The following RIMS1 variants were observed in gnomAD, a reference collection of about 807,000 sequenced individuals.
The protein encoded by RIMS1 is regulating synaptic membrane exocytosis 1, also known as regulating synaptic membrane exocytosis protein 1.
A neutral mutation model predicts 214.1 loss-of-function variants in RIMS1; 83 were observed. That is an observed-to-expected ratio of 0.39 (90% CI 0.32 to 0.47). The LOEUF (loss-of-function observed/expected upper bound fraction) is 0.47, where lower values mean the gene tolerates loss of function less well. Among genes scored for constraint, RIMS1 ranks in the 20% least tolerant of loss-of-function variants. The pLI is 0.99. For synonymous variants in RIMS1, 793 were observed against 786.8 expected, an observed-to-expected ratio of 1.01 and a Z score of -0.13; for missense variants, 2,050 against 2,161.8, an observed-to-expected ratio of 0.95 and a Z score of 1.03.
At chr6:72,138,074 CTG>C (rs146926164) in intron 4 of RIMS1, among the ~76,000 whole-genome samples, 20 of 149,814 alleles carry the variant, frequency 1.3e-4, no homozygotes, top group African/African-American at 2.2e-4. Context: ...GTATGTGAGT[CTG>C]TGTGTGTGTG....
chr6:72,093,338 T>C (rs1258090765), intron 2 of RIMS1, among the ~76,000 whole-genome samples: 2 of 151,492 alleles, frequency 1.3e-5, no homozygotes, highest in Non-Finnish European at 1.5e-5. Context: ...TAGATATACA[T>C]ATGTTATATG....
chr6:72,312,712 C>T (rs2095572890), intron 27 of RIMS1, among the ~76,000 whole-genome samples: 1 of 152,056 alleles, frequency 6.6e-6, no homozygotes, highest in Admixed American at 6.6e-5. Flanking sequence ...TAGTAGAAAG[C>T]TAAAGACCAG....
chr6:71,907,651 C>CA (rs1775647853), intron 1 of RIMS1, among the ~76,000 whole-genome samples: 1 of 152,030 alleles, frequency 6.6e-6, no homozygotes, highest in African/African-American at 2.4e-5. Flanking sequence ...TAAAAATACT[C>CA]AAAAAATAAT....
chr6:72,392,053 A>G (rs1032735306), intron 30 of RIMS1, among the ~76,000 whole-genome samples: 1 of 152,228 alleles, frequency 6.6e-6, no homozygotes, highest in Non-Finnish European at 1.5e-5. Flanking sequence ...TGCTTATTGA[A>G]TGCCTATCAC....
chr6:72,152,113 G>A (rs2043684943), intron 4 of RIMS1, among the ~76,000 whole-genome samples: 1 of 152,096 alleles, frequency 6.6e-6, no homozygotes, highest in Non-Finnish European at 1.5e-5. Flanking sequence ...CCTCAAATAT[G>A]AGGGATTACA....
At chr6:72,212,318 CTATA>C (rs1056756180) in intron 6 of RIMS1, among the ~76,000 whole-genome samples, 1 of 150,294 alleles carries the variant, frequency 6.7e-6, no homozygotes, top group Non-Finnish European at 1.5e-5. Flanking sequence ...TAATAGGAAT[CTATA>C]TATAATATAT....
At chr6:72,325,730 A>T (rs2096430232) in intron 28 of RIMS1, among the ~76,000 whole-genome samples, 2 of 151,902 alleles carry the variant, frequency 1.3e-5, no homozygotes, top group African/African-American at 4.8e-5. Context: ...TGTGTGTGGG[A>T]ATGAGATTTA....
At chr6:71,980,673 A>T (rs1365935496) in intron 2 of RIMS1, among the ~76,000 whole-genome samples, 2 of 152,110 alleles carry the variant, frequency 1.3e-5, no homozygotes, top group African/African-American at 4.8e-5. Context: ...TGCATGATGG[A>T]TGAGCGTACG....
chr6:71,901,319 A>G (rs1354581433), intron 1 of RIMS1, among the ~76,000 whole-genome samples: 1 of 152,150 alleles, frequency 6.6e-6, no homozygotes, highest in Non-Finnish European at 1.5e-5. Context: ...AAGAATCTTC[A>G]TAGCAACCTT....
intron 15 of RIMS1, among the ~76,000 whole-genome samples, chr6:72,252,473 G>A (rs2073859398): frequency 6.6e-6 from 1 of 152,084 alleles, no homozygotes; most frequent in Non-Finnish European, 1.5e-5. Flanking sequence ...ATACTGTGCT[G>A]AAGGCTTTTA....
chr6:72,128,424 GC>G lies in RIMS1; in HGVS notation c.471+28443del, dbSNP rs1253602774. ...CCTTTTTTAAAAAAAAATTGTATTTGCCCCCTTTAAAAAAAATGTATTTGCC... is the reference window on the plus strand; with the variant it reads ...CCTTTTTTAAAAAAAAATTGTATTTGCCCCTTTAAAAAAAATGTATTTGCC... On this transcript the variant is annotated intron_variant, in intron 4 of 33. Coordinates refer to ENST00000521978, the MANE Select transcript of RIMS1 (RefSeq NM_014989.7). Among the ~76,000 whole-genome samples the G allele has an allele frequency of 1.3e-3, 188 of 148,496 alleles. 1 individual carries two copies. In the South Asian group the frequency reaches 0.018, roughly 14 times the overall value.
At position 72,251,218 on chromosome 6, in the gene RIMS1, C is replaced by T; in HGVS notation, c.2548C>T (p.Leu850Phe). Reference protein sequence around the residue: ...EEESEFLGEILIELETALLDD... With the variant: ...EEESEFLGEIFIELETALLDD... ...AATTTGAGAATTACCCTCTCAGATC[C>T]TCATAGAATTGGAGACAGCGCTTTT... The change falls in exon 15 of 34, where the codon CTC becomes TTC. Residue 850 changes from leucine (L) to phenylalanine (F), a missense_variant. Leu to Phe is a conservative substitution (Grantham distance 22). Around this residue, in one of 6 missense-constraint regions of RIMS1, gnomAD observed 889 missense variants for 885.5 expected, o/e 1.00. Transcript: ENST00000521978. 6.3e-7 allele frequency: 1 copy of T among 1,595,010 alleles called. No individual in the cohort carries two copies.
chr6:71,895,226 A>G (rs961268246), intron 1 of RIMS1, among the ~76,000 whole-genome samples: 1 of 152,238 alleles, frequency 6.6e-6, no homozygotes, highest in African/African-American at 2.4e-5. Context: ...ATACCTACAT[A>G]TGGCTTTCTG....
At chr6:72,291,402 G>T (rs2093367442) in intron 25 of RIMS1, among the ~76,000 whole-genome samples, 1 of 152,114 alleles carries the variant, frequency 6.6e-6, no homozygotes, top group African/African-American at 2.4e-5. Context: ...CATAACATAT[G>T]TCCAGGATTA....
rs780415005 is a variant in RIMS1 at position 72,122,366 on chromosome 6, G to A, written c.471+22380G>A. Among the ~76,000 whole-genome samples the A allele has an allele frequency of 3.8e-4, 57 of 151,226 alleles. 1 individual carries two copies. The highest frequency in any genetic ancestry group is 4.3e-4 in the Non-Finnish European group (29 of 67,664). Reference sequence around the variant, plus strand: ...ACTACAGGTGCCTGCCACTGCACCTGGCTAATTTTTTTTGTATTTTTAGTA... The same window carrying A: ...ACTACAGGTGCCTGCCACTGCACCTAGCTAATTTTTTTTGTATTTTTAGTA... On this transcript the variant is annotated intron_variant, in intron 4 of 33. Transcript: ENST00000521978.
rs746661676 is a variant in RIMS1 at position 72,183,085 on chromosome 6, G to A, written c.1614G>A (p.Val538=). Residue 538 remains valine (V), a synonymous_variant, in exon 6 of 34, where the codon GTG becomes GTA. Transcript: ENST00000521978. The part of the protein sequence containing the change: ...MSVSSSEEEG[V]STPEYTSCED... ...TGAGCAGCTCTGAGGAGGAGGGCGT[G>A]TCGACGCCCGAGTACACCAGCTGCG... 2.5e-6 allele frequency: 4 copies of A among 1,591,778 alleles called. No individual in the cohort carries two copies. The highest frequency in any genetic ancestry group is 1.1e-5 in the South Asian group (1 of 87,570).
intron 2 of RIMS1, among the ~76,000 whole-genome samples, chr6:72,083,878 T>C (rs1287679695): frequency 1.3e-5 from 2 of 152,196 alleles, no homozygotes; most frequent in Non-Finnish European, 2.9e-5. Context: ...GATTTGATCC[T>C]GACCAGGCCA....
At chr6:72,154,045 T>G (rs2044103281) in intron 4 of RIMS1, among the ~76,000 whole-genome samples, 2 of 152,164 alleles carry the variant, frequency 1.3e-5, no homozygotes, top group Middle Eastern at 3.4e-3. Flanking sequence ...TTATACTACT[T>G]CATAATATCT....
intron 29 of RIMS1, among the ~76,000 whole-genome samples, chr6:72,347,123 G>A (rs1292930255): frequency 6.6e-6 from 1 of 151,762 alleles, no homozygotes; most frequent in Admixed American, 6.6e-5. Flanking sequence ...GTTAGACACA[G>A]TGATTCTCAG....
Sources: allele counts gnomAD v4.1 joint callset (sites outside exome capture counted in the v4.1 genomes callset), GRCh38; gene constraint gnomAD v4.1.1; regional missense constraint gnomAD v4.1.1; transcripts MANE v1.5; gene names NCBI Gene and HGNC (gene_info 2026-07-23, HGNC 2026-07-21).